Variants in NMU observed in about 807,000 individuals in gnomAD.
NMU encodes the protein neuromedin U, also known as neuromedin-U.
A neutral mutation model predicts 35.4 loss-of-function variants in NMU; 29 were observed. That is an observed-to-expected ratio of 0.82 (90% CI 0.61 to 1.12). NMU has a LOEUF of 1.12. NMU is among the 50% of genes most tolerant of loss of function. NMU has a pLI of 0.00. For synonymous variants in NMU, 78 were observed against 81.3 expected, an observed-to-expected ratio of 0.96 and a Z score of 0.22; for missense variants, 199 against 206.2, an observed-to-expected ratio of 0.97 and a Z score of 0.21.
chr4:55,627,214 T>C (rs1734568912), intron 2 of NMU, among the ~76,000 whole-genome samples: 1 of 152,122 alleles, frequency 6.6e-6, no homozygotes, highest in Non-Finnish European at 1.5e-5. Flanking sequence ...TCTGTTCCAT[T>C]GGTTCATTCT....
chr4:55,601,707 C>G (rs1733433800), intron 7 of NMU, among the ~76,000 whole-genome samples: 1 of 152,102 alleles, frequency 6.6e-6, no homozygotes, highest in Non-Finnish European at 1.5e-5. Context: ...ACGTTCTCAG[C>G]TGGGCACAGT....
chr4:55,595,951 T>A (rs1317438009), intron 9 of NMU, among the ~76,000 whole-genome samples: 1 of 152,106 alleles, frequency 6.6e-6, no homozygotes, highest in African/African-American at 2.4e-5. Flanking sequence ...GTCTGTATAT[T>A]TTTAACTATA....
At chr4:55,619,804 G>A (rs1225010755) in intron 2 of NMU, among the ~76,000 whole-genome samples, 19 of 145,864 alleles carry the variant, frequency 1.3e-4, no homozygotes, top group South Asian at 4.9e-4. Context: ...CTCCCAGCAC[G>A]CAGCTGGAGA....
chr4:55,630,497 G>A (rs1426334537), intron 1 of NMU, 37 bp from the exon 2 acceptor site: 10 of 1,492,358 alleles, frequency 6.7e-6, no homozygotes, highest in Non-Finnish European at 9.3e-6. Context: ...TAATTTTATA[G>A]CATTTCTTCT....
At chr4:55,624,097 A>T (rs1197375516) in intron 2 of NMU, among the ~76,000 whole-genome samples, 1 of 149,638 alleles carries the variant, frequency 6.7e-6, no homozygotes, top group Non-Finnish European at 1.5e-5. Flanking sequence ...ACCATTCAGG[A>T]CATAGGCATG....
At chr4:55,603,684 A>G (rs1379300987) in intron 7 of NMU, among the ~76,000 whole-genome samples, 3 of 151,652 alleles carry the variant, frequency 2.0e-5, no homozygotes, top group Non-Finnish European at 2.9e-5. Context: ...AAGCCGAGGC[A>G]GGCGGATCAC....
intron 1 of NMU, among the ~76,000 whole-genome samples, chr4:55,633,513 C>T (rs999433176): frequency 1.3e-5 from 2 of 152,060 alleles, no homozygotes; most frequent in Admixed American, 1.3e-4. Flanking sequence ...TTTTCAGAGA[C>T]AGTGCCTGTA....
intron 2 of NMU, among the ~76,000 whole-genome samples, chr4:55,618,147 A>C (rs1380224163): frequency 1.3e-5 from 2 of 152,212 alleles, no homozygotes; most frequent in South Asian, 4.1e-4. Flanking sequence ...AGGTCTCTAC[A>C]TATGGTTAGA....
At chr4:55,602,426 T>C (rs994912915) in intron 7 of NMU, among the ~76,000 whole-genome samples, 1 of 152,156 alleles carries the variant, frequency 6.6e-6, no homozygotes, top group Non-Finnish European at 1.5e-5. Flanking sequence ...GGCTGCAAAA[T>C]ACCCTTAAGA....
chr4:55,628,148 A>C (rs535507383), intron 2 of NMU, among the ~76,000 whole-genome samples: 1 of 152,314 alleles, frequency 6.6e-6, no homozygotes, highest in South Asian at 2.1e-4. Flanking sequence ...ATTACCAGAT[A>C]GCCATCCATA....
chr4:55,596,126 T>A (rs961338301), intron 9 of NMU, among the ~76,000 whole-genome samples: 1 of 152,170 alleles, frequency 6.6e-6, no homozygotes, highest in Admixed American at 6.5e-5. Context: ...TGTATATCTA[T>A]TTCCTCCTAT....
intron 7 of NMU, 131 bp from the exon 8 acceptor site, chr4:55,600,706 G>C: frequency 1.5e-6 from 1 of 667,184 alleles, no homozygotes; most frequent in Non-Finnish European, 2.7e-6. Flanking sequence ...TCAGGGACTT[G>C]AATAGAGAAT....
rs768496247 is a variant in NMU at position 55,607,355 on chromosome 4, A to T, written c.310-7T>A. Reference sequence around the variant, plus strand: ...TCGAATAATGAAATAAGAACTGTTTAAAAAAAGCAGTAAGTTTTACTATAA... The same window carrying T: ...TCGAATAATGAAATAAGAACTGTTTTAAAAAAGCAGTAAGTTTTACTATAA... On this transcript the variant is annotated splice_region_variant and splice_polypyrimidine_tract_variant and intron_variant, in intron 5 of 9. Coordinates refer to ENST00000264218, the MANE Select transcript of NMU (RefSeq NM_006681.4). The T allele has an allele frequency of 8.2e-6, 13 of 1,593,714 alleles. No homozygotes were observed. The highest frequency in any genetic ancestry group is 6.7e-5 in the East Asian group (3 of 44,568).
At chr4:55,628,064 C>A (rs1734604925) in intron 2 of NMU, among the ~76,000 whole-genome samples, 2 of 152,212 alleles carry the variant, frequency 1.3e-5, no homozygotes, top group African/African-American at 4.8e-5. Flanking sequence ...CAGTGCTTAT[C>A]ATATTACCAC....
chr4:55,606,864 G>T (rs1480108423), intron 6 of NMU, among the ~76,000 whole-genome samples: 1 of 151,964 alleles, frequency 6.6e-6, no homozygotes, highest in Non-Finnish European at 1.5e-5. Context: ...TTTTAGTAGA[G>T]ACAGGGTTTC....
chr4:55,595,885 C>A (rs1267096468), intron 9 of NMU, among the ~76,000 whole-genome samples: 2 of 151,950 alleles, frequency 1.3e-5, no homozygotes, highest in Admixed American at 1.3e-4. Context: ...TAGTGATCTG[C>A]CCCTTTGGCC....
intron 9 of NMU, among the ~76,000 whole-genome samples, chr4:55,597,982 C>T (rs925097565): frequency 1.3e-5 from 2 of 151,416 alleles, no homozygotes; most frequent in African/African-American, 4.8e-5. Context: ...GCTTTGTTTA[C>T]CGTCCTTCTA....
At chr4:55,606,513 T>C (rs1308709616) in intron 6 of NMU, among the ~76,000 whole-genome samples, 1 of 152,204 alleles carries the variant, frequency 6.6e-6, no homozygotes, top group Non-Finnish European at 1.5e-5. Context: ...TATATTTAAT[T>C]ACATTTTTGA....
intron 7 of NMU, among the ~76,000 whole-genome samples, chr4:55,602,734 T>C (rs551360264): frequency 1.3e-5 from 2 of 152,344 alleles, no homozygotes; most frequent in South Asian, 4.1e-4. Flanking sequence ...CTGCAAATTC[T>C]AAAATTTTAA....
Sources: allele counts gnomAD v4.1 joint callset (sites outside exome capture counted in the v4.1 genomes callset), GRCh38; gene constraint gnomAD v4.1.1; transcripts MANE v1.5; gene names NCBI Gene and HGNC (gene_info 2026-07-23, HGNC 2026-07-21).